The following HIVEP2 variants were observed in gnomAD, a reference collection of about 807,000 sequenced individuals.
HIVEP2 encodes the protein HIVEP zinc finger 2, also known as transcription factor HIVEP2.
In HIVEP2, 14 loss-of-function variants were observed where a neutral mutation model predicts 180.7. That is an observed-to-expected ratio of 0.08 (90% CI 0.05 to 0.12). The LOEUF is 0.12. HIVEP2 is among the 10% of genes least tolerant of loss of function. The pLI is 1.00. For missense variants in HIVEP2, 2,579 were observed against 3,008.5 expected (o/e 0.86, Z 3.34); for synonymous variants, 1,184 against 1,136.4 (o/e 1.04, Z -0.84).
At chr6:142,843,473 A>G (rs1475803655) in intron 1 of HIVEP2, among the ~76,000 whole-genome samples, 2 of 152,230 alleles carry the variant, frequency 1.3e-5, no homozygotes, top group Non-Finnish European at 2.9e-5. Context: ...AAATGGCTTC[A>G]TAGAGCAAGC....
chr6:142,773,397 C>T lies in HIVEP2; in HGVS notation c.1342G>A (p.Ala448Thr), dbSNP rs1314181515. Residue 448 changes from alanine (A) to threonine (T), a missense_variant, in exon 5 of 10, where the codon GCC (alanine) becomes ACC (threonine). This residue lies in a region of HIVEP2 where 524 missense variants were observed against 563.6 expected (regional missense o/e 0.93). Coordinates refer to ENST00000367603, the MANE Select transcript of HIVEP2 (RefSeq NM_006734.4). Reference protein sequence around the residue: ...LSVTTTSQERAAMGRKGIMEP... With the variant: ...LSVTTTSQERTAMGRKGIMEP... ...ATTATGCCCTTCCTACCCATTGCGG[C>T]ACGCTCCTGACTTGTGGTTGTAACA... 6.2e-7 allele frequency: 1 copy of T among 1,614,206 alleles called. No homozygotes were observed. Among genetic ancestry groups the T allele is most frequent in the Non-Finnish European group, 8.5e-7 (1 of 1,180,042 alleles).
chr6:142,863,574 T>A (rs1475259812), intron 1 of HIVEP2, among the ~76,000 whole-genome samples: 3 of 152,218 alleles, frequency 2.0e-5, no homozygotes, highest in African/African-American at 7.2e-5. Context: ...ATGAATTTTT[T>A]AAGAGATTTA....
chr6:142,786,235 T>A (rs1775994478), intron 2 of HIVEP2, among the ~76,000 whole-genome samples: 1 of 152,232 alleles, frequency 6.6e-6, no homozygotes, highest in Non-Finnish European at 1.5e-5. Context: ...AGTATGCTAT[T>A]AAAGAAATGG....
intron 2 of HIVEP2, among the ~76,000 whole-genome samples, chr6:142,826,702 G>T (rs1774912967): frequency 6.6e-6 from 1 of 152,152 alleles, no homozygotes; most frequent in African/African-American, 2.4e-5. Flanking sequence ...TATTCTAGCA[G>T]GCTGAGCACA....
In HIVEP2 at chr6:142,773,556, T is replaced by C; in HGVS notation, c.1183A>G (p.Ser395Gly). 1 of 1,614,290 alleles carries C rather than the reference T, an allele frequency of 6.2e-7. No individual in the cohort carries two copies. Among genetic ancestry groups the C allele is most frequent in the Non-Finnish European group, 8.5e-7 (1 of 1,180,052 alleles). ...LNLLSPHSKG[S>G]TDSGYFSRSE... ...CGAGAAAAGTAACCAGAATCAGTGC[T>C]TCCTTTACTGTGCGGGCTCAGAAGG... Residue 395 changes from serine (S) to glycine (G), a missense_variant, in exon 5 of 10, where the codon AGC (serine) becomes GGC (glycine). This residue lies in a region of HIVEP2 where 47 missense variants were observed against 92.5 expected (regional missense o/e 0.51). Coordinates refer to ENST00000367603, the MANE Select transcript of HIVEP2 (RefSeq NM_006734.4).
intron 2 of HIVEP2, among the ~76,000 whole-genome samples, chr6:142,826,892 G>T (rs1774918330): frequency 6.6e-6 from 1 of 152,118 alleles, no homozygotes; most frequent in Non-Finnish European, 1.5e-5. Flanking sequence ...TGTTTTCTCT[G>T]CTCAGCTATA....
intron 1 of HIVEP2, among the ~76,000 whole-genome samples, chr6:142,907,150 C>T (rs1777283132): frequency 6.6e-6 from 1 of 152,192 alleles, no homozygotes; most frequent in Admixed American, 6.5e-5. Context: ...AATCCATGCC[C>T]AAGTGCTTAA....
chr6:142,870,371 T>C (rs1776259251), intron 1 of HIVEP2, among the ~76,000 whole-genome samples: 2 of 152,138 alleles, frequency 1.3e-5, no homozygotes, highest in South Asian at 4.1e-4. Flanking sequence ...GAGGATTAAA[T>C]GAAATCAATG....
Position 142,753,626 on chromosome 6 carries a change from G to T in HIVEP2, c.6822C>A (p.Asp2274Glu). The change falls in exon 10 of 10, where the codon GAC (aspartate) becomes GAA (glutamate). Residue 2274 changes from aspartate to glutamate, a missense_variant. Physicochemically the swap from Asp to Glu is conservative, Grantham distance 45. Coordinates refer to ENST00000367603, the MANE Select transcript of HIVEP2 (RefSeq NM_006734.4). ...KGASGESFSK[D>E]PYVLSKQHEK... ...CATGCTGCTTAGAAAGCACATAGGGGTCCTTGGAGAAGGACTCCCCTGACG... is the reference window on the plus strand; with the variant it reads ...CATGCTGCTTAGAAAGCACATAGGGTTCCTTGGAGAAGGACTCCCCTGACG... 1 of 1,614,176 alleles carries T rather than the reference G, an allele frequency of 6.2e-7. No individual in the cohort carries two copies. Among genetic ancestry groups the T allele is most frequent in the South Asian group, 1.1e-5 (1 of 91,084 alleles).
At position 142,800,849 on chromosome 6, in the gene HIVEP2, T is replaced by A. The variant is rs148824841; in HGVS notation, c.-527-17234A>T. 3.3e-5 allele frequency among the ~76,000 whole-genome samples: 5 copies of A among 152,234 alleles called. No homozygotes were observed. In the East Asian group the frequency reaches 9.6e-4, roughly 29 times the overall value. ...GGCTAATCCAAACGGCTCAGAAAGGTCATGTGCTATAACAGACAATAGCTT... is the reference window on the plus strand; with the variant it reads ...GGCTAATCCAAACGGCTCAGAAAGGACATGTGCTATAACAGACAATAGCTT... On this transcript the variant is annotated intron_variant, in intron 2 of 9. Transcript: ENST00000367603.
At chr6:142,803,799 G>C (rs1202189657) in intron 2 of HIVEP2, among the ~76,000 whole-genome samples, 2 of 152,102 alleles carry the variant, frequency 1.3e-5, no homozygotes, top group Admixed American at 1.3e-4. Context: ...GAGACACAGA[G>C]AGATGACTTC....
At position 142,753,102 on chromosome 6, in the gene HIVEP2, A is replaced by G. The variant is rs1562492634; in HGVS notation, c.*5T>C. 6.5e-7 allele frequency: 1 copy of G among 1,535,588 alleles called. No individual in the cohort carries two copies. On this transcript the variant is annotated 3_prime_UTR_variant, in exon 10 of 10. Coordinates refer to ENST00000367603, the MANE Select transcript of HIVEP2 (RefSeq NM_006734.4). ...GTGGAAATGAAAGTCTCCATGCATC[A>G]TAGATCAATGTAGCTGACTCTTTTC... is the stretch of plus-strand genomic sequence containing the variant.
intron 1 of HIVEP2, among the ~76,000 whole-genome samples, chr6:142,934,289 T>C (rs1027106725): frequency 2.6e-5 from 4 of 152,218 alleles, no homozygotes; most frequent in African/African-American, 9.7e-5. Flanking sequence ...AAACAATGCT[T>C]CATTTTTACA....
intron 1 of HIVEP2, among the ~76,000 whole-genome samples, chr6:142,917,043 A>G (rs546183799): frequency 6.6e-6 from 1 of 152,342 alleles, no homozygotes; most frequent in South Asian, 2.1e-4. Context: ...TTTTAAATGC[A>G]CTTCTTCTAA....
At chr6:142,938,420 C>T (rs1002417055) in intron 1 of HIVEP2, among the ~76,000 whole-genome samples, 2 of 152,214 alleles carry the variant, frequency 1.3e-5, no homozygotes, top group Non-Finnish European at 2.9e-5. Flanking sequence ...ATAAATCTAG[C>T]GTTTTGGTGA....
chr6:142,901,946 G>A (rs1446765660), intron 1 of HIVEP2, among the ~76,000 whole-genome samples: 1 of 152,146 alleles, frequency 6.6e-6, no homozygotes, highest in African/African-American at 2.4e-5. Flanking sequence ...GTGCTAGAGT[G>A]CTCTGCAAAA....
intron 1 of HIVEP2, among the ~76,000 whole-genome samples, chr6:142,862,939 CATATA>C (rs1369235010): frequency 3.3e-4 from 44 of 132,720 alleles, no homozygotes; most frequent in South Asian, 9.1e-4. Flanking sequence ...TTGTACTTTA[CATATA>C]ATATAATATA....
At chr6:142,941,213 C>T (rs948675011) in intron 1 of HIVEP2, among the ~76,000 whole-genome samples, 2 of 152,134 alleles carry the variant, frequency 1.3e-5, no homozygotes, top group African/African-American at 4.8e-5. Flanking sequence ...ATTCACGGTC[C>T]ATCTCAGAGA....
At chr6:142,759,040 G>A (rs1441906166) in intron 9 of HIVEP2, among the ~76,000 whole-genome samples, 1 of 152,144 alleles carries the variant, frequency 6.6e-6, no homozygotes, top group Non-Finnish European at 1.5e-5. Flanking sequence ...AGTGGCTCAT[G>A]TCTGTAATCC....
Sources: allele counts gnomAD v4.1 joint callset (sites outside exome capture counted in the v4.1 genomes callset), GRCh38; gene constraint gnomAD v4.1.1; regional missense constraint gnomAD v4.1.1; transcripts MANE v1.5; gene names NCBI Gene and HGNC (gene_info 2026-07-23, HGNC 2026-07-21).